The following TTLL1 variants were observed in gnomAD, a reference collection of about 807,000 sequenced individuals.
TTLL1 encodes the protein polyglutamylase complex subunit TTLL1.
In TTLL1, 33 loss-of-function variants were observed where a neutral mutation model predicts 47.8. The observed-to-expected ratio is 0.69, with a 90% CI of 0.52 to 0.92. The LOEUF (loss-of-function observed/expected upper bound fraction) is 0.92. Ranked by LOEUF, TTLL1 falls within the 40% of genes least tolerant of loss-of-function variation. The pLI, the probability that TTLL1 is intolerant of heterozygous loss-of-function variation, is 0.00. For synonymous variants in TTLL1, 225 were observed against 214.1 expected, an observed-to-expected ratio of 1.05 and a Z score of -0.45; for missense variants, 488 against 547.5, an observed-to-expected ratio of 0.89 and a Z score of 1.08.
intron 8 of TTLL1, among the ~76,000 whole-genome samples, chr22:43,055,883 C>T (rs138316219): frequency 6.6e-5 from 10 of 151,996 alleles, no homozygotes; most frequent in Non-Finnish European, 1.5e-4. Flanking sequence ...CTTAATTTTC[C>T]ACAGAGAATG....
intron 8 of TTLL1, 83 bp downstream of exon 8, chr22:43,059,299 CAG>C (rs1258110847): frequency 2.6e-6 from 4 of 1,526,750 alleles, no homozygotes; most frequent in African/African-American, 2.8e-5. Flanking sequence ...CAGCTGAAAA[CAG>C]GGATTTTTAA....
chr22:43,062,766 G>A (rs781218522), intron 7 of TTLL1, among the ~76,000 whole-genome samples: 2 of 152,174 alleles, frequency 1.3e-5, no homozygotes, highest in African/African-American at 2.4e-5. Context: ...GAGACAGGTT[G>A]TGGTGAGCTG....
intron 5 of TTLL1, 86 bp from the exon 6 acceptor site, chr22:43,064,410 G>A (rs1927594860): frequency 5.5e-6 from 8 of 1,453,962 alleles, no homozygotes; most frequent in South Asian, 2.7e-5. Context: ...CTGATAAGCC[G>A]GACTTCATTA....
chr22:43,045,837 C>T (rs561636328), intron 10 of TTLL1, among the ~76,000 whole-genome samples: 31 of 152,222 alleles, frequency 2.0e-4, no homozygotes, highest in Admixed American at 3.3e-4. Context: ...TCCAGCTATC[C>T]CGGCGGCCAG....
At chr22:43,081,620 G>A (rs889143195) in intron 1 of TTLL1, among the ~76,000 whole-genome samples, 1 of 152,012 alleles carries the variant, frequency 6.6e-6, no homozygotes, top group Non-Finnish European at 1.5e-5. Flanking sequence ...CGCGATCTCA[G>A]CTCACTGCAA....
rs34579324 is a variant in TTLL1, at chr22:43,039,815, C to T, written c.1233G>A (p.Ser411=). The part of the protein sequence containing the change: ...GQSLGPRAGR[S]RDSGRAVLTT... ...TGAGGACCGCTCTCCCCGAGTCTCT[C>T]GATCGGCCTGCTCTGGGCCCCAGAG... The change falls in exon 11 of 11, where the codon TCG becomes TCA. Residue 411 remains serine (S), a synonymous_variant. Transcript: ENST00000266254. 6.9e-4 allele frequency: 1,108 copies of T among 1,614,024 alleles called. 6 individuals carry two copies. In the African/African-American group the frequency reaches 0.013, roughly 19 times the overall value.
intron 2 of TTLL1, among the ~76,000 whole-genome samples, chr22:43,078,084 G>A (rs1928626956): frequency 6.6e-6 from 1 of 152,008 alleles, no homozygotes; most frequent in African/African-American, 2.4e-5. Flanking sequence ...TCCAACCTGG[G>A]GGACAGAGTG....
rs558716479 is a variant in TTLL1 at position 43,083,046 on chromosome 22, T to TAAA, written c.-89-3063_-89-3061dup. Among the ~76,000 whole-genome samples the TAAA allele has an allele frequency of 2.2e-3, 326 of 149,320 alleles. 3 individuals carry two copies. The highest frequency in any genetic ancestry group is 7.5e-3 in the African/African-American group (302 of 40,278). On this transcript the variant is annotated intron_variant, in intron 1 of 10. Coordinates refer to ENST00000266254, the MANE Select transcript of TTLL1 (RefSeq NM_012263.5). ...AATAAAATAATAATAATAATAATAATAAAGACCAACAATACTCCTTTTTAA... is the reference window on the plus strand; with the variant it reads ...AATAAAATAATAATAATAATAATAATAAAAAAGACCAACAATACTCCTTTTTAA...
At chr22:43,043,461 C>T (rs1448346269) in intron 10 of TTLL1, among the ~76,000 whole-genome samples, 12 of 151,970 alleles carry the variant, frequency 7.9e-5, no homozygotes, top group African/African-American at 2.9e-4. Flanking sequence ...AGTCCTCCAG[C>T]ACAGGGGCCA....
chr22:43,070,430 G>A (rs913068624), intron 3 of TTLL1, among the ~76,000 whole-genome samples: 3 of 152,078 alleles, frequency 2.0e-5, no homozygotes, highest in African/African-American at 7.2e-5. Context: ...GAGAAGCAGG[G>A]AAGGGGTACG....
At chr22:43,052,230 T>C (rs1926690454) in intron 8 of TTLL1, 3 of 353,928 alleles carry the variant, frequency 8.5e-6, no homozygotes, top group South Asian at 2.6e-5. Context: ...GCAGTGAAGG[T>C]CTGTGCAGCC....
intron 3 of TTLL1, among the ~76,000 whole-genome samples, chr22:43,073,562 G>T (rs1016278958): frequency 6.6e-6 from 1 of 151,394 alleles, no homozygotes; most frequent in African/African-American, 2.4e-5. Flanking sequence ...CACCAAGTTG[G>T]CTAGGCTGGT....
At chr22:43,071,019 C>T (rs908035544) in intron 3 of TTLL1, among the ~76,000 whole-genome samples, 6 of 151,872 alleles carry the variant, frequency 4.0e-5, no homozygotes, top group African/African-American at 1.5e-4. Context: ...CTCAAGCAAT[C>T]CTCCTCTCTC....
At chr22:43,053,906 G>C (rs1188092323) in intron 8 of TTLL1, among the ~76,000 whole-genome samples, 1 of 152,164 alleles carries the variant, frequency 6.6e-6, no homozygotes. Context: ...CTACCAAAAT[G>C]GGCTGGGGAG....
At chr22:43,073,014 A>G (rs1386008487) in intron 3 of TTLL1, among the ~76,000 whole-genome samples, 1 of 151,424 alleles carries the variant, frequency 6.6e-6, no homozygotes, top group Admixed American at 6.6e-5. Flanking sequence ...AATTCATTGC[A>G]ATTATTCTTT....
Position 43,039,889 on chromosome 22 carries a change from C to T in TTLL1, c.1159G>A (p.Ala387Thr), listed in dbSNP as rs753489534. The T allele has an allele frequency of 2.2e-5, 36 of 1,613,616 alleles. No individual in the cohort carries two copies. Among genetic ancestry groups the T allele is most frequent in the Non-Finnish European group, 3.0e-5 (35 of 1,179,954 alleles). ...TCCCGGTCAGCCCCGTCACCCTGGGCCAATTCTTCATCATACCTGGAGACA... is the reference window on the plus strand; with the variant it reads ...TCCCGGTCAGCCCCGTCACCCTGGGTCAATTCTTCATCATACCTGGAGACA... ...NYEILYDEEL[A>T]QGDGADRELR... Residue 387 changes from alanine (A) to threonine (T), a missense_variant, in exon 11 of 11, where the codon GCC becomes ACC. Ala to Thr is a moderately conservative substitution (Grantham distance 58, BLOSUM62 0). Coordinates refer to ENST00000266254, the MANE Select transcript of TTLL1 (RefSeq NM_012263.5).
intron 3 of TTLL1, among the ~76,000 whole-genome samples, chr22:43,071,080 A>G (rs1928089552): frequency 6.6e-6 from 1 of 151,738 alleles, no homozygotes; most frequent in Non-Finnish European, 1.5e-5. Context: ...GTCCTGCTAA[A>G]TTTTTATAAT....
In TTLL1 at chr22:43,081,846, CTTT is replaced by C. The variant is rs58743481; in HGVS notation, c.-89-1863_-89-1861del. On this transcript the variant is annotated intron_variant, in intron 1 of 10. Coordinates refer to ENST00000266254, the MANE Select transcript of TTLL1 (RefSeq NM_012263.5). Reference sequence around the variant, plus strand: ...ATAGGCGTGAGCCATCACACCTGGCCTTTTTTTTTTTTTTTTTTTTTGAGTCAG... The same window carrying C: ...ATAGGCGTGAGCCATCACACCTGGCCTTTTTTTTTTTTTTTTTTGAGTCAG... Among the ~76,000 whole-genome samples the C allele has an allele frequency of 2.7e-3, 154 of 56,410 alleles. 1 individual carries two copies. Among genetic ancestry groups the C allele is most frequent in the Non-Finnish European group, 2.7e-3 (91 of 33,280 alleles). The allele number at this position is 56,410 out of a possible 152,430, so 37.0% of individuals were successfully genotyped here.
intron 2 of TTLL1, among the ~76,000 whole-genome samples, chr22:43,076,099 T>G (rs1025190449): frequency 4.6e-5 from 7 of 152,128 alleles, no homozygotes; most frequent in Admixed American, 2.0e-4. Flanking sequence ...CTGTCCCACA[T>G]CCCTCCAGGC....
Sources: gnomAD v4.1 joint callset for allele counts (sites outside exome capture counted in the v4.1 genomes callset) on GRCh38, gnomAD v4.1.1 for gene constraint, MANE v1.5 for transcripts, NCBI Gene and HGNC (gene_info 2026-07-23, HGNC 2026-07-21) for gene names.